MPP7: variants seen among roughly 807,000 people sequenced by gnomAD.
The protein encoded by MPP7 is MAGUK p55 subfamily member 7.
Under a neutral mutation model 76.5 loss-of-function variants are expected in MPP7, and 60 were observed. That is an observed-to-expected ratio of 0.78 (90% CI 0.64 to 0.97). The LOEUF (loss-of-function observed/expected upper bound fraction) is 0.97, where lower values mean the gene tolerates loss of function less well. MPP7 is among the 50% of genes least tolerant of loss of function. The pLI is 0.00. For missense variants in MPP7, 641 were observed against 694.0 expected, an observed-to-expected ratio of 0.92 and a Z score of 0.86; for synonymous variants, 237 against 244.5, an observed-to-expected ratio of 0.97 and a Z score of 0.29.
intron 3 of MPP7, among the ~76,000 whole-genome samples, chr10:28,198,516 A>G (rs1326829490): frequency 6.6e-6 from 1 of 151,886 alleles, no homozygotes; most frequent in African/African-American, 2.4e-5. Context: ...CAGAGGTTGC[A>G]GTGGGCCAAG....
At chr10:28,163,607 C>T (rs1036217912) in intron 3 of MPP7, among the ~76,000 whole-genome samples, 2 of 152,002 alleles carry the variant, frequency 1.3e-5, no homozygotes, top group African/African-American at 4.8e-5. Context: ...AAAAATAGTA[C>T]TTGGAATTTG....
At chr10:28,061,167 A>G (rs557856437) in intron 13 of MPP7, among the ~76,000 whole-genome samples, 1 of 152,276 alleles carries the variant, frequency 6.6e-6, no homozygotes, top group South Asian at 2.1e-4. Flanking sequence ...AACAAAAAAA[A>G]ACAAAACAAA....
chr10:28,164,977 G>A (rs534897533), intron 3 of MPP7, among the ~76,000 whole-genome samples: 76 of 152,202 alleles, frequency 5.0e-4, no homozygotes, highest in African/African-American at 1.8e-3. Flanking sequence ...AAACATGGGG[G>A]AATTATGAGT....
chr10:28,112,270 A>G (rs1044298928), intron 11 of MPP7, among the ~76,000 whole-genome samples: 6 of 152,266 alleles, frequency 3.9e-5, no homozygotes, highest in African/African-American at 1.2e-4. Context: ...TTGAAATCTC[A>G]GGTACTCCAT....
intron 5 of MPP7, among the ~76,000 whole-genome samples, chr10:28,144,337 G>A (rs1271013473): frequency 5.3e-5 from 8 of 152,016 alleles, no homozygotes; most frequent in African/African-American, 1.5e-4. Flanking sequence ...ATAAGCTCAC[G>A]ATTTCAGGTG....
intron 12 of MPP7, 75 bp downstream of exon 12, chr10:28,089,596 T>C (rs1206379418): frequency 2.9e-6 from 4 of 1,370,294 alleles, no homozygotes; most frequent in Non-Finnish European, 4.0e-6. Flanking sequence ...AAACTTCAAG[T>C]ATGATTCACT....
chr10:28,181,229 G>A lies in MPP7; in HGVS notation c.156+20924C>T, dbSNP rs142222694. 1.9e-3 allele frequency among the ~76,000 whole-genome samples: 295 copies of A among 152,064 alleles called. 2 individuals are homozygous for A. Among genetic ancestry groups the A allele is most frequent in the African/African-American group, 5.8e-3 (240 of 41,488 alleles). ...ATGTTAAAGATTTAAAGTATTTTAC[G>A]TGAAAATGGAAAGAATGATAAAACC... is the stretch of plus-strand genomic sequence containing the variant. On this transcript the variant is annotated intron_variant, in intron 3 of 16. Coordinates refer to ENST00000683449, the MANE Select transcript of MPP7 (RefSeq NM_001318170.2).
At chr10:28,059,818 G>C (rs1449473454) in intron 13 of MPP7, 75 bp from the exon 14 acceptor site, 3 of 992,594 alleles carry the variant, frequency 3.0e-6, no homozygotes, top group African/African-American at 1.7e-5. Context: ...AAGAAATCAA[G>C]GGTATTTAAT....
chr10:28,332,091 C>T (rs972359258), intron 1 of MPP7, among the ~76,000 whole-genome samples: 19 of 152,106 alleles, frequency 1.2e-4, no homozygotes, highest in African/African-American at 3.9e-4. Flanking sequence ...TGGGTTATTC[C>T]TTCAACCACA....
intron 11 of MPP7, among the ~76,000 whole-genome samples, chr10:28,103,857 G>A (rs1853951227): frequency 6.6e-6 from 1 of 152,106 alleles, no homozygotes; most frequent in Non-Finnish European, 1.5e-5. Flanking sequence ...CCATAGGAAT[G>A]GGGAGGAGGA....
intron 2 of MPP7, among the ~76,000 whole-genome samples, chr10:28,209,146 G>T (rs1661119574): frequency 6.6e-6 from 1 of 152,056 alleles, no homozygotes; most frequent in South Asian, 2.1e-4. Context: ...AGAGCCGTGA[G>T]CCAATTATAC....
intron 1 of MPP7, among the ~76,000 whole-genome samples, chr10:28,288,389 A>G (rs1564759461): frequency 6.6e-6 from 1 of 151,992 alleles, no homozygotes; most frequent in East Asian, 1.9e-4. Flanking sequence ...ACAAGTGCAC[A>G]CTACCATATC....
At chr10:28,189,570 CAAAAAAAAAAAAAAAA>C (rs59436299) in intron 3 of MPP7, among the ~76,000 whole-genome samples, 2 of 69,528 alleles carry the variant, frequency 2.9e-5, no homozygotes, top group South Asian at 7.3e-4. Flanking sequence ...GACCCTGTCT[CAAAAAAAAAAAAAAAA>C]AAAAAAAAAA....
At chr10:28,071,020 C>T (rs1178517174) in intron 12 of MPP7, among the ~76,000 whole-genome samples, 2 of 152,196 alleles carry the variant, frequency 1.3e-5, no homozygotes, top group East Asian at 1.9e-4. Flanking sequence ...TTCCCATCTG[C>T]TATGCCCTCA....
At chr10:28,164,162 G>A (rs1209515068) in intron 3 of MPP7, among the ~76,000 whole-genome samples, 1 of 152,078 alleles carries the variant, frequency 6.6e-6, no homozygotes, top group Admixed American at 6.6e-5. Flanking sequence ...AATGGTAACT[G>A]AAATGAACTG....
chr10:28,173,532 G>T (rs1564676636), intron 3 of MPP7, among the ~76,000 whole-genome samples: 1 of 152,178 alleles, frequency 6.6e-6, no homozygotes, highest in Non-Finnish European at 1.5e-5. Flanking sequence ...GCCTTCCACT[G>T]TAAGTGGAAG....
intron 2 of MPP7, among the ~76,000 whole-genome samples, chr10:28,320,097 A>G (rs1235299161): frequency 6.6e-6 from 1 of 152,172 alleles, no homozygotes; most frequent in Non-Finnish European, 1.5e-5. Flanking sequence ...GAATGTCTCT[A>G]TGTAAAGGAG....
chr10:28,215,930 G>T (rs116466274), intron 2 of MPP7, among the ~76,000 whole-genome samples: 12 of 152,262 alleles, frequency 7.9e-5, no homozygotes, highest in African/African-American at 2.9e-4. Flanking sequence ...ATGACAAAAT[G>T]TAAGTTTATC....
chr10:28,094,819 G>T (rs557213808), intron 11 of MPP7, among the ~76,000 whole-genome samples: 1 of 152,274 alleles, frequency 6.6e-6, no homozygotes, highest in South Asian at 2.1e-4. Flanking sequence ...GCCAGATGTG[G>T]TGGCACATGC....
Sources: gnomAD v4.1 joint callset for allele counts (sites outside exome capture counted in the v4.1 genomes callset) on GRCh38, gnomAD v4.1.1 for gene constraint, MANE v1.5 for transcripts, NCBI Gene and HGNC (gene_info 2026-07-23, HGNC 2026-07-21) for gene names.